The following LAMA2 variants were observed in gnomAD, a reference collection of about 807,000 sequenced individuals.
LAMA2 encodes laminin subunit alpha-2.
LAMA2 carries 269 observed loss-of-function variants against 364.8 expected under a neutral mutation model. The ratio of observed to expected loss-of-function variants is 0.74; its 90% CI spans 0.67 to 0.82. The LOEUF is 0.82. LAMA2 is among the 40% of genes least tolerant of loss of function. LAMA2 has a pLI of 0.00. For missense variants in LAMA2, 3,807 were observed against 3,873.2 expected, an observed-to-expected ratio of 0.98 and a Z score of 0.45; for synonymous variants, 1,379 against 1,370.6, an observed-to-expected ratio of 1.01 and a Z score of -0.14.
intron 33 of LAMA2, among the ~76,000 whole-genome samples, chr6:129,366,636 G>T (rs1045622908): frequency 1.3e-5 from 2 of 151,998 alleles, no homozygotes; most frequent in Non-Finnish European, 2.9e-5. Flanking sequence ...ATAAAATCAG[G>T]TATAAACTCT....
At chr6:129,198,586 G>A (rs919529921) in intron 12 of LAMA2, among the ~76,000 whole-genome samples, 1 of 152,046 alleles carries the variant, frequency 6.6e-6, no homozygotes, top group Admixed American at 6.6e-5. Flanking sequence ...TTTTTTAAAT[G>A]GTTTCAAAGC....
chr6:129,162,875 G>A (rs1271172814), intron 8 of LAMA2, among the ~76,000 whole-genome samples: 2 of 151,560 alleles, frequency 1.3e-5, no homozygotes, highest in South Asian at 2.1e-4. Context: ...AAGAAGGGGA[G>A]AATGAAGAGA....
At chr6:129,460,934 A>G (rs568250594) in intron 49 of LAMA2, among the ~76,000 whole-genome samples, 1 of 151,970 alleles carries the variant, frequency 6.6e-6, no homozygotes, top group South Asian at 2.1e-4. Context: ...CATGACCTCA[A>G]TTATAAGATA....
chr6:129,352,220 A>G (rs1776890136), intron 31 of LAMA2, among the ~76,000 whole-genome samples: 1 of 152,214 alleles, frequency 6.6e-6, no homozygotes, highest in Non-Finnish European at 1.5e-5. Context: ...TCCTGGGCAA[A>G]CCAGAATGTA....
intron 56 of LAMA2, among the ~76,000 whole-genome samples, chr6:129,488,073 G>T (rs1462259670): frequency 6.6e-6 from 1 of 152,152 alleles, no homozygotes; most frequent in African/African-American, 2.4e-5. Context: ...ACTTTGGGAG[G>T]CCAAGGCAGG....
In LAMA2 at chr6:129,173,039, G is replaced by C. The variant is rs531614813; in HGVS notation, c.1307-4667G>C. 1.2e-4 allele frequency among the ~76,000 whole-genome samples: 19 copies of C among 152,294 alleles called. No homozygotes were observed. In the South Asian group the frequency reaches 3.5e-3, roughly 28 times the overall value. On this transcript the variant is annotated intron_variant, in intron 9 of 64. Transcript: ENST00000421865. The stretch of plus-strand genomic sequence containing the variant: ...CCTCGCCCTGCTTCGGCTCGCGCAG[G>C]GTGCGCGCACCCACTGACCTGCGCC...
At chr6:129,019,957 C>T (rs1170213539) in intron 1 of LAMA2, among the ~76,000 whole-genome samples, 2 of 151,974 alleles carry the variant, frequency 1.3e-5, no homozygotes, top group Non-Finnish European at 2.9e-5. Context: ...TGGTGGCAGG[C>T]ACCTGTAATC....
In LAMA2 at chr6:129,165,516, A is replaced by G; in HGVS notation, c.1207-60A>G. 3 of 1,117,244 alleles carry G rather than the reference A, an allele frequency of 2.7e-6. No homozygotes were observed. In the South Asian group the frequency reaches 4.0e-5, roughly 15 times the overall value. The allele number at this position is 1,117,244 out of a possible 1,614,324, so 69.2% of individuals were successfully genotyped here. ...TACTTTGTCTATAAAAGTTTGCTGA[A>G]GTGAAAAATATTGCTGTTTCTATTA... On this transcript the variant is annotated intron_variant, in intron 8 of 64. Transcript: ENST00000421865.
chr6:129,152,611 A>G (rs1230930534), intron 7 of LAMA2, among the ~76,000 whole-genome samples: 1 of 152,168 alleles, frequency 6.6e-6, no homozygotes, highest in African/African-American at 2.4e-5. Flanking sequence ...TTCTCAAAAC[A>G]TGTATGAGAC....
chr6:129,154,949 C>T (rs1374574724), intron 8 of LAMA2, among the ~76,000 whole-genome samples: 1 of 152,102 alleles, frequency 6.6e-6, no homozygotes, highest in African/African-American at 2.4e-5. Context: ...ATTTTTAGAA[C>T]GTAAATTAGT....
chr6:129,091,022 T>G lies in LAMA2; in HGVS notation c.397-7151T>G, dbSNP rs1208451335. ...CTCTTCCATCTCAGGGTTTTCTTGC[T>G]TATTATTGCTTGTTAAAATTCTTCC... On this transcript the variant is annotated intron_variant, in intron 3 of 64. Coordinates refer to ENST00000421865, the MANE Select transcript of LAMA2 (RefSeq NM_000426.4). Among the ~76,000 whole-genome samples the G allele has an allele frequency of 5.3e-5, 8 of 152,356 alleles. No individual in the cohort carries two copies. In the East Asian group the frequency reaches 1.5e-3, roughly 29 times the overall value.
rs778428420 is a variant in LAMA2, at chr6:129,287,888, G to T, written c.2579G>T (p.Gly860Val). 2 of 1,614,020 alleles carry T rather than the reference G, an allele frequency of 1.2e-6. No homozygotes were observed. Among genetic ancestry groups the T allele is most frequent in the African/African-American group, 2.7e-5 (2 of 74,998 alleles). The change falls in exon 19 of 65, where the codon GGA (glycine) becomes GTA (valine). Residue 860 changes from glycine to valine, a missense_variant. By Grantham distance (109) the Gly-to-Val change is moderately radical. Around this residue, in one of 3 missense-constraint regions of LAMA2, gnomAD observed 3,333 missense variants for 3,345.7 expected, o/e 1.00. Coordinates refer to ENST00000421865, the MANE Select transcript of LAMA2 (RefSeq NM_000426.4). ...GYFGQPSVPG[G>V]SCQPCQCNDN... The stretch of plus-strand genomic sequence containing the variant: ...TTTGGACAACCCTCTGTACCTGGAG[G>T]ATCATGTCAGCCATGCCAATGCAAT...
intron 28 of LAMA2, among the ~76,000 whole-genome samples, chr6:129,326,014 AT>A: frequency 6.6e-6 from 1 of 152,028 alleles, no homozygotes; most frequent in East Asian, 1.9e-4. Flanking sequence ...TAATTTTTGT[AT>A]TTTTAGTCAA....
At chr6:129,078,037 A>G (rs1007111065) in intron 3 of LAMA2, among the ~76,000 whole-genome samples, 2 of 152,156 alleles carry the variant, frequency 1.3e-5, no homozygotes, top group African/African-American at 4.8e-5. Flanking sequence ...ATGTCATTTC[A>G]TCAGTCATTA....
At chr6:129,113,235 C>T (rs144852436) in intron 4 of LAMA2, among the ~76,000 whole-genome samples, 1 of 152,132 alleles carries the variant, frequency 6.6e-6, no homozygotes, top group East Asian at 1.9e-4. Context: ...GTTAGCCCCT[C>T]ATTTTCTCCA....
intron 29 of LAMA2, among the ~76,000 whole-genome samples, chr6:129,334,529 G>C (rs1775837392): frequency 1.3e-5 from 2 of 152,042 alleles, no homozygotes; most frequent in African/African-American, 4.8e-5. Flanking sequence ...TATAGTCGAA[G>C]AACCAATCAG....
intron 27 of LAMA2, 113 bp from the exon 28 acceptor site, chr6:129,320,425 A>G (rs1477233384): frequency 1.3e-6 from 1 of 768,584 alleles, no homozygotes; most frequent in Non-Finnish European, 2.4e-6. Context: ...AGACAATAGA[A>G]CATACTTGAG....
At chr6:128,968,788 GGTAGGACCTTGTACTGTGTAC>G (rs113286844) in intron 1 of LAMA2, among the ~76,000 whole-genome samples, 8,440 of 152,222 alleles carry the variant, frequency 0.055, 803 homozygotes, top group African/African-American at 0.19. Context: ...GTAGGGGCCA[GGTAGGACCTTGTACTGTGTAC>G]GTAGGACCTT....
intron 1 of LAMA2, among the ~76,000 whole-genome samples, chr6:128,891,919 G>T (rs1031039945): frequency 6.6e-6 from 1 of 151,970 alleles, no homozygotes; most frequent in Non-Finnish European, 1.5e-5. Context: ...TATGGACTTA[G>T]GAGAAGGCTA....
Sources: allele counts gnomAD v4.1 joint callset (sites outside exome capture counted in the v4.1 genomes callset), GRCh38; gene constraint gnomAD v4.1.1; regional missense constraint gnomAD v4.1.1; transcripts MANE v1.5; gene names NCBI Gene and HGNC (gene_info 2026-07-23, HGNC 2026-07-21).